Variants in POU3F3 observed in about 807,000 individuals in gnomAD.
POU3F3 encodes the protein POU class 3 homeobox 3.
Under a neutral mutation model 8.6 loss-of-function variants are expected in POU3F3, and 1 was observed. The ratio of observed to expected loss-of-function variants is 0.12; its 90% CI spans 0.04 to 0.55. The LOEUF (loss-of-function observed/expected upper bound fraction) is 0.55, where lower values mean the gene tolerates loss of function less well. Among genes scored for constraint, POU3F3 ranks in the 20% least tolerant of loss-of-function variants. The probability of loss-of-function intolerance (pLI) is 0.91; values close to 1 mark genes in which losing one functional copy is unlikely to be tolerated. For synonymous variants in POU3F3, 418 were observed against 327.4 expected, an observed-to-expected ratio of 1.28 and a Z score of -2.99; for missense variants, 577 against 690.7, an observed-to-expected ratio of 0.84 and a Z score of 1.84.
the POU3F3 span, among the ~76,000 whole-genome samples, chr2:104,923,918 C>G: frequency 6.6e-6 from 1 of 152,038 alleles, no homozygotes; most frequent in Non-Finnish European, 1.5e-5. Context: ...CTGTACGGTT[C>G]CATTTATATG....
chr2:104,871,910 T>C, the POU3F3 span, among the ~76,000 whole-genome samples: 1 of 152,188 alleles, frequency 6.6e-6, no homozygotes, highest in Non-Finnish European at 1.5e-5. Flanking sequence ...CTTTATTCCT[T>C]CGCAGGAAGA....
In POU3F3 at chr2:104,857,562, C is replaced by A. The variant is rs957709537; in HGVS notation, c.*549C>A. On this transcript the variant is annotated 3_prime_UTR_variant, in exon 1 of 1. Transcript: ENST00000361360. Reference sequence around the variant, plus strand: ...AGAGAGAGAGTCCCCTTTCCTTTCACTTTCTCCCTCCAAAACAGCTGCCTA... The same window carrying A: ...AGAGAGAGAGTCCCCTTTCCTTTCAATTTCTCCCTCCAAAACAGCTGCCTA... 1 of 153,702 alleles carries A rather than the reference C, an allele frequency of 6.5e-6. No individual in the cohort carries two copies. Among genetic ancestry groups the A allele is most frequent in the Non-Finnish European group, 1.5e-5 (1 of 68,036 alleles). 9.5% of individuals were successfully genotyped at this position (153,702 alleles called of 1,614,324 possible).
At chr2:104,913,883 A>AC in the POU3F3 span, among the ~76,000 whole-genome samples, 1 of 152,210 alleles carries the variant, frequency 6.6e-6, no homozygotes, top group African/African-American at 2.4e-5. Flanking sequence ...TTAAAACGAA[A>AC]AAAAAAATAC....
the POU3F3 span, among the ~76,000 whole-genome samples, chr2:104,871,056 C>T: frequency 2.3e-4 from 35 of 152,180 alleles, no homozygotes; most frequent in Admixed American, 2.6e-4. Context: ...TCCAAACATC[C>T]CAATAGCCAT....
chr2:104,862,575 G>A (rs1446186337), downstream of POU3F3, among the ~76,000 whole-genome samples: 1 of 152,116 alleles, frequency 6.6e-6, no homozygotes, highest in Admixed American at 6.5e-5. Context: ...CGGAGGTGGG[G>A]CGGTGGCGGT....
rs771609174 is a variant in POU3F3, at chr2:104,856,098, A to AGCC, written c.609_611dup (p.Ala204dup). The AGCC allele has an allele frequency of 3.7e-4, 386 of 1,041,532 alleles. No individual in the cohort carries two copies. Among genetic ancestry groups the AGCC allele is most frequent in the African/African-American group, 5.9e-4 (32 of 53,998 alleles). 64.5% of individuals were successfully genotyped at this position (1,041,532 alleles called of 1,614,324 possible). A position where few individuals can be genotyped will look rare whatever the true frequency, so the allele number is the denominator to read the frequency against. ...GGGCGGCCGCCGCTGCCGCAGCCGC[A>AGCC]GCCGCCGCCGCCGCCGCCGCCGCGC... On this transcript the variant is annotated inframe_insertion, in exon 1 of 1. Transcript: ENST00000361360.
chr2:104,915,364 G>A, the POU3F3 span, among the ~76,000 whole-genome samples: 9 of 152,164 alleles, frequency 5.9e-5, no homozygotes, highest in African/African-American at 1.9e-4. Flanking sequence ...CTGAATATGA[G>A]TAGTGGCCAT....
At chr2:104,907,586 T>C in the POU3F3 span, among the ~76,000 whole-genome samples, 1 of 152,212 alleles carries the variant, frequency 6.6e-6, no homozygotes, top group Non-Finnish European at 1.5e-5. Flanking sequence ...TCCTGTCTTA[T>C]ATTTGCAGAA....
chr2:104,885,729 T>C, the POU3F3 span, among the ~76,000 whole-genome samples: 1 of 152,184 alleles, frequency 6.6e-6, no homozygotes, highest in African/African-American at 2.4e-5. Context: ...TATAATCAAG[T>C]AATAACCACA....
Position 104,857,972 on chromosome 2 carries a change from C to T in POU3F3, c.*959C>T, listed in dbSNP as rs10427165. ...GGGAGCAGAGCGGGGGCCCAGCCAG[C>T]GAGGCCGCCGAGCCAGGCCCGGCCG... is the stretch of plus-strand genomic sequence containing the variant. On this transcript the variant is annotated 3_prime_UTR_variant, in exon 1 of 1. Transcript: ENST00000361360. 0.041 allele frequency: 6,194 copies of T among 152,236 alleles called. 196 individuals are homozygous for T. The highest frequency in any genetic ancestry group is 0.14 in the East Asian group (738 of 5,176). The allele number at this position is 152,236 out of a possible 1,614,324, so 9.4% of individuals were successfully genotyped here. A position where few individuals can be genotyped will look rare whatever the true frequency, so the allele number is the denominator to read the frequency against.
the POU3F3 span, among the ~76,000 whole-genome samples, chr2:104,869,390 T>C: frequency 6.6e-6 from 1 of 152,336 alleles, no homozygotes; most frequent in African/African-American, 2.4e-5. Flanking sequence ...TCTCTTTATG[T>C]CCATTTTCAA....
the POU3F3 span, among the ~76,000 whole-genome samples, chr2:104,869,608 A>C: frequency 2.0e-5 from 3 of 152,214 alleles, no homozygotes; most frequent in East Asian, 5.8e-4. Flanking sequence ...CCTGTAGGAC[A>C]GCTGGACAGG....
chr2:104,923,314 G>T, the POU3F3 span, among the ~76,000 whole-genome samples: 49 of 152,148 alleles, frequency 3.2e-4, no homozygotes, highest in Non-Finnish European at 5.3e-4. Flanking sequence ...AGACATTAAT[G>T]CATTTTAAAA....
the POU3F3 span, among the ~76,000 whole-genome samples, chr2:104,906,054 T>C: frequency 6.6e-6 from 1 of 152,248 alleles, no homozygotes; most frequent in Non-Finnish European, 1.5e-5. Context: ...CAAACAATTT[T>C]CTATATTCAT....
At chr2:104,919,597 G>A in the POU3F3 span, among the ~76,000 whole-genome samples, 5 of 152,108 alleles carry the variant, frequency 3.3e-5, no homozygotes, top group African/African-American at 9.7e-5. Flanking sequence ...CTGCAGCTTC[G>A]GTTTTTTTAT....
chr2:104,882,040 A>G, the POU3F3 span, among the ~76,000 whole-genome samples: 1 of 152,252 alleles, frequency 6.6e-6, no homozygotes, highest in Admixed American at 6.5e-5. Context: ...CCCAGTTGGT[A>G]GAGTTATTGA....
the POU3F3 span, among the ~76,000 whole-genome samples, chr2:104,919,256 A>T: frequency 3.9e-5 from 6 of 152,240 alleles, no homozygotes; most frequent in Non-Finnish European, 8.8e-5. Context: ...TGGTAGCTCC[A>T]CATCTTGCTC....
chr2:104,897,606 C>A, the POU3F3 span, among the ~76,000 whole-genome samples: 1 of 152,174 alleles, frequency 6.6e-6, no homozygotes, highest in African/African-American at 2.4e-5. Context: ...ACCCCAGCCC[C>A]GCCCATGTGG....
the POU3F3 span, among the ~76,000 whole-genome samples, chr2:104,873,498 T>C: frequency 1.3e-5 from 2 of 152,216 alleles, no homozygotes; most frequent in East Asian, 3.9e-4. Flanking sequence ...GCCAGGCAAC[T>C]CCTGTGCCCT....
Sources: gnomAD v4.1 joint callset for allele counts (sites outside exome capture counted in the v4.1 genomes callset) on GRCh38, gnomAD v4.1.1 for gene constraint, MANE v1.5 for transcripts, NCBI Gene and HGNC (gene_info 2026-07-23, HGNC 2026-07-21) for gene names.